The following MAST4 variants were observed in gnomAD, a reference collection of about 807,000 sequenced individuals.
MAST4 encodes the protein microtubule-associated serine/threonine-protein kinase 4.
Under a neutral mutation model 162.7 loss-of-function variants are expected in MAST4, and 89 were observed. The ratio of observed to expected loss-of-function variants is 0.55; its 90% confidence interval spans 0.46 to 0.65. The LOEUF (loss-of-function observed/expected upper bound fraction) is 0.65, where lower values mean the gene tolerates loss of function less well. MAST4 is among the 30% of genes least tolerant of loss of function. The probability of loss-of-function intolerance (pLI) is 0.00; values close to 1 mark genes in which losing one functional copy is unlikely to be tolerated. For missense variants in MAST4, 3,153 were observed against 3,374.0 expected (o/e 0.93, Z 1.62); for synonymous variants, 1,479 against 1,361.1 (o/e 1.09, Z -1.91).
chr5:66,824,518 G>A (rs1757149437), intron 3 of MAST4, among the ~76,000 whole-genome samples: 1 of 152,228 alleles, frequency 6.6e-6, no homozygotes, highest in South Asian at 2.1e-4. Context: ...CTCCTCAAAT[G>A]TTCCTCACAG....
At chr5:66,716,006 CATTTTA>C (rs1296578525) in intron 1 of MAST4, among the ~76,000 whole-genome samples, 5 of 151,908 alleles carry the variant, frequency 3.3e-5, no homozygotes, top group African/African-American at 1.2e-4. Context: ...ATAAAAAATA[CATTTTA>C]ATTTTCATAA....
At chr5:66,988,261 A>G (rs1290471008) in intron 4 of MAST4, among the ~76,000 whole-genome samples, 1 of 152,138 alleles carries the variant, frequency 6.6e-6, no homozygotes, top group Non-Finnish European at 1.5e-5. Context: ...TAGCATTGGG[A>G]TTACCCTTCT....
intron 1 of MAST4, among the ~76,000 whole-genome samples, chr5:66,723,291 T>G (rs1482868642): frequency 1.3e-5 from 2 of 152,166 alleles, no homozygotes; most frequent in Non-Finnish European, 2.9e-5. Context: ...TATTAGTAAT[T>G]GAAATGATTC....
At chr5:67,110,751 T>C (rs1391388018) in intron 11 of MAST4, among the ~76,000 whole-genome samples, 1 of 152,226 alleles carries the variant, frequency 6.6e-6, no homozygotes, top group African/African-American at 2.4e-5. Flanking sequence ...TGGCTGGATG[T>C]GGTGGCTCAC....
intron 4 of MAST4, among the ~76,000 whole-genome samples, chr5:66,970,328 A>G (rs1171804705): frequency 2.0e-5 from 3 of 152,210 alleles, no homozygotes; most frequent in Non-Finnish European, 4.4e-5. Context: ...GGGGAAGGGC[A>G]AGCATAATAA....
Position 67,080,157 on chromosome 5 carries a change from T to G in MAST4, c.764-10005T>G, listed in dbSNP as rs372368459. Among the ~76,000 whole-genome samples the G allele has an allele frequency of 2.0e-5, 3 of 152,190 alleles. 1 individual carries two copies. Among genetic ancestry groups the G allele is most frequent in the Non-Finnish European group, 1.5e-5 (1 of 68,034 alleles). On this transcript the variant is annotated intron_variant, in intron 5 of 28. Transcript: ENST00000403625. ...ATTGCATCCATTGTCACTGCCAAGA[T>G]CACTTGAAGGAAGCCCCGGGTATCA...
chr5:67,149,406 C>A lies in MAST4; in HGVS notation c.3112C>A (p.His1038Asn). The change falls in exon 24 of 29, where the codon CAC becomes AAC. Residue 1038 changes from histidine (H) to asparagine (N), a missense_variant. Physicochemically the swap from His to Asn is moderately conservative, Grantham distance 68. This residue lies in a region of MAST4 where 619 missense variants were observed against 744.2 expected (regional missense o/e 0.83). Transcript: ENST00000403625. ...STLSVGSFSE[H>N]LDQINGRSEC... ...TTGTACAGTTGGCAGTTTTTCAGAG[C>A]ACTTGGATCAGATAAATGGACGAAG... 2 of 1,612,896 alleles carry A rather than the reference C, an allele frequency of 1.2e-6. No individual in the cohort carries two copies. The highest frequency in any genetic ancestry group is 1.7e-5 in the Admixed American group (1 of 59,872).
chr5:66,697,315 T>C (rs1482568592), intron 1 of MAST4, among the ~76,000 whole-genome samples: 1 of 152,222 alleles, frequency 6.6e-6, no homozygotes, highest in African/African-American at 2.4e-5. Context: ...GTGACCGATG[T>C]ACGATGTTTC....
chr5:66,917,723 T>A (rs1436464148), intron 4 of MAST4, among the ~76,000 whole-genome samples: 1 of 152,064 alleles, frequency 6.6e-6, no homozygotes, highest in African/African-American at 2.4e-5. Context: ...TTGGAACTAT[T>A]TCTGGACTCT....
chr5:67,094,222 T>G, intron 6 of MAST4: 1 of 1,259,450 alleles, frequency 7.9e-7, no homozygotes, highest in East Asian at 2.4e-5. Flanking sequence ...CCACTTGAAT[T>G]TTTCCGTCTT....
At chr5:66,620,349 A>G (rs1235491221) in intron 1 of MAST4, among the ~76,000 whole-genome samples, 1 of 152,206 alleles carries the variant, frequency 6.6e-6, no homozygotes, top group African/African-American at 2.4e-5. Context: ...ACAAATTAAA[A>G]TATTGTAAAA....
chr5:66,692,813 C>T (rs1419870757), intron 1 of MAST4, among the ~76,000 whole-genome samples: 1 of 152,046 alleles, frequency 6.6e-6, no homozygotes, highest in Non-Finnish European at 1.5e-5. Context: ...TATATACATA[C>T]TCAAAGTATA....
chr5:67,014,929 A>G (rs1753099810), intron 4 of MAST4, among the ~76,000 whole-genome samples: 1 of 152,192 alleles, frequency 6.6e-6, no homozygotes, highest in African/African-American at 2.4e-5. Flanking sequence ...ACCTTCTCAC[A>G]TCAGATCTAG....
rs143623769 is a variant in MAST4 at position 66,977,527 on chromosome 5, G to T, written c.675-76877G>T. Among the ~76,000 whole-genome samples the T allele has an allele frequency of 6.9e-3, 1,045 of 152,198 alleles. 3 individuals are homozygous for T. Among genetic ancestry groups the T allele is most frequent in the Admixed American group, 0.012 (178 of 15,298 alleles). On this transcript the variant is annotated intron_variant, in intron 4 of 28. Coordinates refer to ENST00000403625, the MANE Select transcript of MAST4 (RefSeq NM_001164664.2). The stretch of plus-strand genomic sequence containing the variant: ...CAACAGCAGTTGTACACATTTGGGG[G>T]GAAAAGAAAACAAACCTCCTGCCCC...
chr5:66,989,668 T>G (rs944741974), intron 4 of MAST4, among the ~76,000 whole-genome samples: 3 of 152,266 alleles, frequency 2.0e-5, no homozygotes, highest in South Asian at 4.2e-4. Flanking sequence ...TCAGGGAGTT[T>G]CCAAGAATTT....
intron 4 of MAST4, among the ~76,000 whole-genome samples, chr5:66,906,820 C>A (rs374767667): frequency 1.3e-5 from 2 of 152,146 alleles, no homozygotes; most frequent in African/African-American, 2.4e-5. Context: ...TATTTTACCA[C>A]TTTCTAATTT....
Position 66,692,211 on chromosome 5 carries a change from G to A in MAST4, c.364-67498G>A, listed in dbSNP as rs373547871. Among the ~76,000 whole-genome samples the A allele has an allele frequency of 7.9e-5, 12 of 151,992 alleles. No homozygotes were observed. In the East Asian group the frequency reaches 2.1e-3, roughly 27 times the overall value. On this transcript the variant is annotated intron_variant, in intron 1 of 28. Transcript: ENST00000403625. ...CTCTCGACCTCTTAGGTGTTCAATC[G>A]CATGGTAAGAGAAGCATCCCAAGAG...
intron 1 of MAST4, among the ~76,000 whole-genome samples, chr5:66,614,324 T>G (rs531260458): frequency 6.6e-6 from 1 of 152,344 alleles, no homozygotes; most frequent in South Asian, 2.1e-4. Context: ...TCTGGACTTT[T>G]GAAATTTGTA....
intron 4 of MAST4, among the ~76,000 whole-genome samples, chr5:66,925,514 C>T (rs527827676): frequency 2.6e-5 from 4 of 152,266 alleles, no homozygotes; most frequent in South Asian, 2.1e-4. Context: ...TTTGCCTTAA[C>T]ACTTGGGGCT....
Sources: gnomAD v4.1 joint callset for allele counts (sites outside exome capture counted in the v4.1 genomes callset) on GRCh38, gnomAD v4.1.1 for gene constraint, gnomAD v4.1.1 regional missense constraint, MANE v1.5 for transcripts, NCBI Gene and HGNC (gene_info 2026-07-23, HGNC 2026-07-21) for gene names.